TRIP12: variants seen among roughly 807,000 people sequenced by gnomAD.
TRIP12 encodes the protein thyroid hormone receptor interactor 12.
TRIP12 carries 25 observed loss-of-function variants against 244.2 expected under a neutral mutation model. The observed-to-expected ratio is 0.10, with a 90% CI of 0.07 to 0.14. The LOEUF is 0.14. TRIP12 is among the 10% of genes least tolerant of loss of function. TRIP12 has a pLI of 1.00. For missense variants in TRIP12, 1,677 were observed against 2,486.4 expected (o/e 0.67, Z 6.92); for synonymous variants, 905 against 873.1 (o/e 1.04, Z -0.64).
At chr2:229,768,743 A>G (rs2032907801) in intron 40 of TRIP12, 24 bp from the exon 41 acceptor site, 2 of 1,576,480 alleles carry the variant, frequency 1.3e-6, no homozygotes, top group Non-Finnish European at 1.7e-6. Flanking sequence ...AAATATACCA[A>G]AATTATTTCA....
intron 1 of TRIP12, among the ~76,000 whole-genome samples, chr2:229,918,436 G>A (rs2075909695): frequency 6.6e-6 from 1 of 152,132 alleles, no homozygotes; most frequent in Non-Finnish European, 1.5e-5. Flanking sequence ...AAGTTCCCTA[G>A]GTTCTGTAAA....
At chr2:229,838,574 GGCAA>G (rs1300076136) in intron 5 of TRIP12, among the ~76,000 whole-genome samples, 1 of 152,070 alleles carries the variant, frequency 6.6e-6, no homozygotes, top group Non-Finnish European at 1.5e-5. Flanking sequence ...AGAACAGCAG[GGCAA>G]GCAAGACAAT....
In TRIP12 at chr2:229,764,216, CAAAG is replaced by C. The variant is rs1399537635; in HGVS notation, c.*3334_*3337del. The C allele has an allele frequency of 2.0e-5, 3 of 151,606 alleles. No individual in the cohort carries two copies. Among genetic ancestry groups the C allele is most frequent in the African/African-American group, 7.3e-5 (3 of 41,266 alleles). The allele number at this position is 151,606 out of a possible 1,614,324, so 9.4% of individuals were successfully genotyped here. On this transcript the variant is annotated 3_prime_UTR_variant, in exon 42 of 42. Coordinates refer to ENST00000675903, the MANE Select transcript of TRIP12 (RefSeq NM_001348323.3). Reference sequence around the variant, plus strand: ...GTCTGGATTTTTTTTTTTGAGGTAACAAAGGAAGCATCTTCAGTGATTTGTCACT... The same window carrying C: ...GTCTGGATTTTTTTTTTTGAGGTAACGAAGCATCTTCAGTGATTTGTCACT...
intron 4 of TRIP12, among the ~76,000 whole-genome samples, chr2:229,846,014 C>CAAAAA (rs34840494): frequency 2.6e-5 from 3 of 117,558 alleles, no homozygotes; most frequent in Non-Finnish European, 1.7e-5. Flanking sequence ...CTCTTTTTTT[C>CAAAAA]AAAAAAAAAA....
At chr2:229,830,585 C>T (rs2053085349) in intron 7 of TRIP12, among the ~76,000 whole-genome samples, 171 bp downstream of exon 7, 1 of 152,148 alleles carries the variant, frequency 6.6e-6, no homozygotes, top group Non-Finnish European at 1.5e-5. Context: ...GCGGACAGCT[C>T]ATCTTCCAAT....
intron 7 of TRIP12, among the ~76,000 whole-genome samples, chr2:229,829,956 T>TCAAA (rs963382768): frequency 6.6e-6 from 1 of 152,056 alleles, no homozygotes; most frequent in African/African-American, 2.4e-5. Flanking sequence ...CTCAAAACAA[T>TCAAA]CAAACAAACA....
chr2:229,896,447 G>A (rs2068851297), intron 1 of TRIP12, among the ~76,000 whole-genome samples: 1 of 151,998 alleles, frequency 6.6e-6, no homozygotes, highest in Non-Finnish European at 1.5e-5. Context: ...GGACCAGCCT[G>A]GCCAACATGG....
rs10139 is a variant in TRIP12, at chr2:229,767,539, C to T, written c.*15G>A. ...CTTTTGCTGTAACAGGCAGACACTG[C>T]ATTTCTTGCTATGATCAGGAAAGAT... On this transcript the variant is annotated 3_prime_UTR_variant, in exon 42 of 42. Coordinates refer to ENST00000675903, the MANE Select transcript of TRIP12 (RefSeq NM_001348323.3). 19 of 1,589,184 alleles carry T rather than the reference C, an allele frequency of 1.2e-5. No homozygotes were observed. The highest frequency in any genetic ancestry group is 1.5e-5 in the Non-Finnish European group (18 of 1,167,060).
chr2:229,864,047 A>AGTGTGTGT (rs371818159), intron 2 of TRIP12, among the ~76,000 whole-genome samples: 23 of 79,302 alleles, frequency 2.9e-4, no homozygotes, highest in East Asian at 8.7e-4. Context: ...AGAGAGAGAG[A>AGTGTGTGT]GTGTGTGTGT....
chr2:229,775,851 C>A (rs976880876), intron 37 of TRIP12, among the ~76,000 whole-genome samples: 5 of 151,792 alleles, frequency 3.3e-5, no homozygotes, highest in Admixed American at 6.6e-5. Context: ...TGCTCTTGTT[C>A]ACAGTTGGTT....
At chr2:229,917,762 T>C (rs1489208309) in intron 1 of TRIP12, among the ~76,000 whole-genome samples, 1 of 152,172 alleles carries the variant, frequency 6.6e-6, no homozygotes, top group African/African-American at 2.4e-5. Flanking sequence ...GGCATGATCA[T>C]AACTATTAAC....
At chr2:229,884,489 G>A (rs1042349188) in intron 1 of TRIP12, among the ~76,000 whole-genome samples, 1 of 151,796 alleles carries the variant, frequency 6.6e-6, no homozygotes, top group Non-Finnish European at 1.5e-5. Context: ...CGCCCACCTC[G>A]GCCTCCCAAA....
Position 229,802,582 on chromosome 2 carries a change from G to A in TRIP12, c.2999-123C>T, listed in dbSNP as rs1321605251. The A allele has an allele frequency of 9.8e-6, 6 of 612,962 alleles. No homozygotes were observed. The East Asian group carries it at 1.9e-4, about 19-fold the overall frequency. 38.0% of individuals were successfully genotyped at this position (612,962 alleles called of 1,614,324 possible). ...ACACAAAAAGACTAAAACATAACTG[G>A]CAAATAGGTAAAAGAAATTAGGAGC... On this transcript the variant is annotated intron_variant, in intron 20 of 41. Transcript: ENST00000675903.
chr2:229,841,531 C>A (rs1310181855), intron 4 of TRIP12, among the ~76,000 whole-genome samples: 1 of 152,030 alleles, frequency 6.6e-6, no homozygotes, highest in East Asian at 1.9e-4. Context: ...TCAATAGGCT[C>A]GAAAATGGTG....
chr2:229,789,071 C>T, intron 31 of TRIP12, 131 bp from the exon 32 acceptor site: 2 of 778,446 alleles, frequency 2.6e-6, no homozygotes, highest in Non-Finnish European at 2.0e-6. Flanking sequence ...ACATACAACA[C>T]ACAGCCTCTC....
Position 229,859,580 on chromosome 2 carries a change from A to T in TRIP12, c.225-6T>A. On this transcript the variant is annotated splice_region_variant and splice_polypyrimidine_tract_variant and intron_variant, in intron 3 of 41. Coordinates refer to ENST00000675903, the MANE Select transcript of TRIP12 (RefSeq NM_001348323.3). ...CAGATGATGAACTGCAGCTTCTAAG[A>T]GGTTAGATAAGAAAACAGTTAATAT... is the stretch of plus-strand genomic sequence containing the variant. 1 of 1,604,152 alleles carries T rather than the reference A, an allele frequency of 6.2e-7. No individual in the cohort carries two copies. Among genetic ancestry groups the T allele is most frequent in the Non-Finnish European group, 8.5e-7 (1 of 1,175,528 alleles).
intron 38 of TRIP12, among the ~76,000 whole-genome samples, chr2:229,772,296 A>G (rs2034639270): frequency 1.3e-5 from 2 of 152,344 alleles, no homozygotes; most frequent in Admixed American, 6.5e-5. Flanking sequence ...ATTAGTATAA[A>G]TTATTTTGAG....
intron 2 of TRIP12, among the ~76,000 whole-genome samples, chr2:229,861,776 A>T (rs1462343335): frequency 6.6e-6 from 1 of 152,208 alleles, no homozygotes; most frequent in Non-Finnish European, 1.5e-5. Flanking sequence ...TTAGCTTCTT[A>T]AGAAAGGAAA....
intron 4 of TRIP12, 102 bp downstream of exon 4, chr2:229,858,670 A>G: frequency 1.0e-6 from 1 of 997,092 alleles, no homozygotes; most frequent in Non-Finnish European, 1.4e-6. Flanking sequence ...AAGATTATCT[A>G]AGACTGGGGG....
Sources: allele counts gnomAD v4.1 joint callset (sites outside exome capture counted in the v4.1 genomes callset), GRCh38; gene constraint gnomAD v4.1.1; transcripts MANE v1.5; gene names NCBI Gene and HGNC (gene_info 2026-07-23, HGNC 2026-07-21).